The following BOD1L1 variants were observed in gnomAD, a reference collection of about 807,000 sequenced individuals.
BOD1L1 encodes biorientation of chromosomes in cell division protein 1-like 1.
Under a neutral mutation model 240.7 loss-of-function variants are expected in BOD1L1, and 86 were observed. That is an observed-to-expected ratio of 0.36 (90% CI 0.30 to 0.43). BOD1L1 has a LOEUF of 0.43. Among genes scored for constraint, BOD1L1 ranks in the 20% least tolerant of loss-of-function variants. The pLI is 1.00. For missense variants in BOD1L1, 3,554 were observed against 3,643.5 expected, an observed-to-expected ratio of 0.98 and a Z score of 0.63; for synonymous variants, 1,268 against 1,272.3, an observed-to-expected ratio of 1.00 and a Z score of 0.07.
Position 13,608,585 on chromosome 4 carries a change from G to T in BOD1L1, c.1687C>A (p.Arg563=). 1 of 1,543,940 alleles carries T rather than the reference G, an allele frequency of 6.5e-7. No homozygotes were observed. Among genetic ancestry groups the T allele is most frequent in the Non-Finnish European group, 8.7e-7 (1 of 1,146,294 alleles). ...AARIKEVLKE[R]KVLEKKVALS... is the part of the protein sequence containing the mutation. ...GCTACTTTTTTTTCTAAAACTTTCCGTTCTTTAAGGACTTCTTTAATTCTG... is the reference window on the plus strand; with the variant it reads ...GCTACTTTTTTTTCTAAAACTTTCCTTTCTTTAAGGACTTCTTTAATTCTG... The change falls in exon 8 of 26, where the codon CGG becomes AGG. Residue 563 remains arginine, a synonymous_variant. Coordinates refer to ENST00000040738, the MANE Select transcript of BOD1L1 (RefSeq NM_148894.3).
intron 2 of BOD1L1, among the ~76,000 whole-genome samples, chr4:13,618,314 G>C (rs1716775266): frequency 6.6e-6 from 1 of 152,158 alleles, no homozygotes; most frequent in South Asian, 2.1e-4. Flanking sequence ...ACAGGGAGGT[G>C]GCTATGCAAA....
chr4:13,619,702 T>G (rs1209130505), intron 2 of BOD1L1, among the ~76,000 whole-genome samples: 2 of 152,202 alleles, frequency 1.3e-5, no homozygotes, highest in African/African-American at 4.8e-5. Flanking sequence ...TACTGTTATT[T>G]CCTTCCTTCA....
intron 2 of BOD1L1, among the ~76,000 whole-genome samples, chr4:13,617,144 C>A (rs1312905455): frequency 6.7e-6 from 1 of 150,312 alleles, no homozygotes; most frequent in African/African-American, 2.4e-5. Flanking sequence ...ACTTGGGAGG[C>A]TGAGGCAGGA....
chr4:13,582,184 T>G, intron 19 of BOD1L1, 53 bp downstream of exon 19: 1 of 1,420,476 alleles, frequency 7.0e-7, no homozygotes, highest in Non-Finnish European at 9.8e-7. Flanking sequence ...TGAATTTAAT[T>G]TGGTTAGTGC....
rs1714919285 is a variant in BOD1L1 at position 13,599,538 on chromosome 4, T to C, written c.7362A>G (p.Leu2454=). 1 of 1,614,054 alleles carries C rather than the reference T, an allele frequency of 6.2e-7. No individual in the cohort carries two copies. The highest frequency in any genetic ancestry group is 8.5e-7 in the Non-Finnish European group (1 of 1,179,904). Residue 2454 remains leucine (L), a synonymous_variant, in exon 10 of 26, where the codon TTA becomes TTG. Coordinates refer to ENST00000040738, the MANE Select transcript of BOD1L1 (RefSeq NM_148894.3). ...TCTTCTCTTCTGCATTTATGAGGTG[T>C]AAAGTGCTCTCTTTCTGTCCTCTTC... ...FAGRGQKEST[L]HLINAEEKNV... is the part of the protein sequence containing the mutation.
rs758098801 is a variant in BOD1L1 at position 13,601,851 on chromosome 4, T to C, written c.5049A>G (p.Glu1683=). The change falls in exon 10 of 26, where the codon GAA becomes GAG. Residue 1683 remains glutamate (E), a synonymous_variant. Transcript: ENST00000040738. ...IVEGTITFIS[E]VESDGAVTSA... ...TTGTAACTGCTCCATCACTTTCAAC[T>C]TCACTAATAAAAGTAATAGTTCCTT... 6.2e-7 allele frequency: 1 copy of C among 1,613,982 alleles called. No homozygotes were observed. Among genetic ancestry groups the C allele is most frequent in the Non-Finnish European group, 8.5e-7 (1 of 1,179,888 alleles).
At position 13,620,076 on chromosome 4, in the gene BOD1L1, A is replaced by T. The variant is rs79537901; in HGVS notation, c.244-9T>A. 4 of 1,592,630 alleles carry T rather than the reference A, an allele frequency of 2.5e-6. No individual in the cohort carries two copies. The Admixed American group carries it at 7.1e-5, about 28-fold the overall frequency. The stretch of plus-strand genomic sequence containing the variant: ...AGATTCTGATACGCAGGCTAGAGAG[A>T]AAAAAACGAAGGTAAGTCTTCAAGG... On this transcript the variant is annotated splice_polypyrimidine_tract_variant and intron_variant, in intron 1 of 25. Coordinates refer to ENST00000040738, the MANE Select transcript of BOD1L1 (RefSeq NM_148894.3).
intron 10 of BOD1L1, among the ~76,000 whole-genome samples, chr4:13,597,501 T>C (rs1274060687): frequency 6.6e-6 from 1 of 152,224 alleles, no homozygotes; most frequent in East Asian, 1.9e-4. Flanking sequence ...TCCTTAAAAA[T>C]ATTCTGAGTC....
At chr4:13,594,642 A>G (rs940755157) in intron 12 of BOD1L1, among the ~76,000 whole-genome samples, 1 of 152,188 alleles carries the variant, frequency 6.6e-6, no homozygotes, top group African/African-American at 2.4e-5. Context: ...CATGCATGTA[A>G]CCTCAGCACT....
chr4:13,627,693 C>G lies in BOD1L1; in HGVS notation c.-106G>C. 3.1e-6 allele frequency: 3 copies of G among 953,998 alleles called. No homozygotes were observed. The highest frequency in any genetic ancestry group is 3.8e-6 in the Non-Finnish European group (3 of 796,674). The allele number at this position is 953,998 out of a possible 1,614,324, so 59.1% of individuals were successfully genotyped here. On this transcript the variant is annotated 5_prime_UTR_variant, in exon 1 of 26. Coordinates refer to ENST00000040738, the MANE Select transcript of BOD1L1 (RefSeq NM_148894.3). ...GAGGGAAGCCAACGGGATGTTGTTA[C>G]GGAACCAGCGGATCCAGAGCAACCC... is the stretch of plus-strand genomic sequence containing the variant.
chr4:13,601,507 T>G lies in BOD1L1; in HGVS notation c.5393A>C (p.Glu1798Ala). The G allele has an allele frequency of 6.2e-7, 1 of 1,614,040 alleles. No individual in the cohort carries two copies. Among genetic ancestry groups the G allele is most frequent in the Non-Finnish European group, 8.5e-7 (1 of 1,179,892 alleles). Residue 1798 changes from glutamate to alanine, a missense_variant, in exon 10 of 26, where the codon GAA (glutamate) becomes GCA (alanine). Transcript: ENST00000040738. ...GCAACTTGCTGGCCCCTCTCCATCT[T>G]CTGTTATCCCCGTGCTGGTGACTGC... is the stretch of plus-strand genomic sequence containing the variant. Reference protein sequence around the residue: ...ESAVTSTGITEDGEGPASCTG... With the variant: ...ESAVTSTGITADGEGPASCTG...
intron 5 of BOD1L1, 48 bp from the exon 6 acceptor site, chr4:13,611,148 A>ATGTTGATTTTATGCT: frequency 1.4e-6 from 2 of 1,389,710 alleles, no homozygotes; most frequent in Non-Finnish European, 2.0e-6. Context: ...AATTAGCATA[A>ATGTTGATTTTATGCT]AATCAACATT....
At chr4:13,580,148 C>G (rs906697900) in intron 21 of BOD1L1, 175 bp from the exon 22 acceptor site, 9 of 562,112 alleles carry the variant, frequency 1.6e-5, no homozygotes, top group African/African-American at 1.5e-4. Context: ...GCCTGAGCTT[C>G]TAAATACAGA....
At chr4:13,622,540 T>C (rs1034512244) in intron 1 of BOD1L1, among the ~76,000 whole-genome samples, 3 of 152,188 alleles carry the variant, frequency 2.0e-5, no homozygotes, top group Non-Finnish European at 2.9e-5. Flanking sequence ...GAGTCCTCCC[T>C]TTGTCTTCTA....
In BOD1L1 at chr4:13,580,029, A is replaced by T. The variant is rs1295299346; in HGVS notation, c.8704-56T>A. 5 of 1,239,526 alleles carry T rather than the reference A, an allele frequency of 4.0e-6. No individual in the cohort carries two copies. The Admixed American group carries it at 1.0e-4, about 25-fold the overall frequency. 76.8% of individuals were successfully genotyped at this position (1,239,526 alleles called of 1,614,324 possible). A position where few individuals can be genotyped will look rare whatever the true frequency, so the allele number is the denominator to read the frequency against. On this transcript the variant is annotated intron_variant, in intron 21 of 25. Transcript: ENST00000040738. ...TTTAAATCAGCAGTTTATAATCATC[A>T]CATAGAAATGCAATCAATGATGTAA...
Position 13,599,870 on chromosome 4 carries a change from T to A in BOD1L1, c.7030A>T (p.Ile2344Phe), listed in dbSNP as rs761982108. Residue 2344 changes from isoleucine (I) to phenylalanine (F), a missense_variant, in exon 10 of 26, where the codon ATT (isoleucine) becomes TTT (phenylalanine). Ile to Phe is a conservative substitution (Grantham distance 21). This residue lies in a region of BOD1L1 where 3,393 missense variants were observed against 3,427.1 expected (regional missense o/e 0.99). Transcript: ENST00000040738. The stretch of plus-strand genomic sequence containing the variant: ...AGCTGATTCTCTTCATGTCTGTCAA[T>A]GCTGGCGGAAATTGGCATACATTCT... Reference protein sequence around the residue: ...TAECMPISASIDRHEENQLTA... With the variant: ...TAECMPISASFDRHEENQLTA... 9.3e-6 allele frequency: 15 copies of A among 1,614,024 alleles called. No homozygotes were observed. The East Asian group carries it at 3.3e-4, about 36-fold the overall frequency.
chr4:13,627,310 C>T (rs1717471311), intron 1 of BOD1L1, 35 bp downstream of exon 1: 2 of 1,205,814 alleles, frequency 1.7e-6, no homozygotes, highest in South Asian at 7.5e-5. Flanking sequence ...TCCTCCCCTT[C>T]CCTCGCAGAC....
rs1247681326 is a variant in BOD1L1 at position 13,613,359 on chromosome 4, A to G, written c.1324+153T>C. 6 of 649,784 alleles carry G rather than the reference A, an allele frequency of 9.2e-6. No individual in the cohort carries two copies. The highest frequency in any genetic ancestry group is 1.4e-5 in the Non-Finnish European group (6 of 415,514). 40.3% of individuals were successfully genotyped at this position (649,784 alleles called of 1,614,324 possible). ...CTTACCAAGCTTGCTCAGACAGACA[A>G]CTTTGGAGCTGGGACTCAGAAACAA... On this transcript the variant is annotated intron_variant, in intron 5 of 25. Coordinates refer to ENST00000040738, the MANE Select transcript of BOD1L1 (RefSeq NM_148894.3). This position sits in a 1 kb window ranked among gnomAD's most constrained non-coding sequence, Gnocchi z 4.0.
chr4:13,597,560 C>G (rs1286680277), intron 10 of BOD1L1, among the ~76,000 whole-genome samples: 3 of 152,330 alleles, frequency 2.0e-5, no homozygotes. Flanking sequence ...ATTCACTTTA[C>G]TTGCTTCACA....
Sources: allele counts gnomAD v4.1 joint callset (sites outside exome capture counted in the v4.1 genomes callset), GRCh38; gene constraint gnomAD v4.1.1; regional missense constraint gnomAD v4.1.1; non-coding constraint Gnocchi (gnomAD v3.1); transcripts MANE v1.5; gene names NCBI Gene and HGNC (gene_info 2026-07-23, HGNC 2026-07-21).